STARD6: variants seen among roughly 807,000 people sequenced by gnomAD.
STARD6 encodes stAR-related lipid transfer protein 6.
In STARD6, 21 loss-of-function variants were observed where a neutral mutation model predicts 22.3. The ratio of observed to expected loss-of-function variants is 0.94; its 90% CI spans 0.67 to 1.35. The LOEUF (loss-of-function observed/expected upper bound fraction) is 1.35. STARD6 is among the 40% of genes most tolerant of loss of function. STARD6 has a pLI of 0.00. For missense variants in STARD6, 269 were observed against 266.9 expected (o/e 1.01, Z -0.05); for synonymous variants, 80 against 88.1 (o/e 0.91, Z 0.52).
intron 2 of STARD6, among the ~76,000 whole-genome samples, chr18:54,355,542 T>C (rs1016977241): frequency 2.0e-5 from 3 of 152,120 alleles, no homozygotes; most frequent in African/African-American, 7.2e-5. Context: ...TTCTTCCATG[T>C]GAGGACACTG....
intron 4 of STARD6, among the ~76,000 whole-genome samples, chr18:54,347,018 T>A (rs1421942367): frequency 1.3e-5 from 2 of 152,096 alleles, no homozygotes; most frequent in Non-Finnish European, 2.9e-5. Context: ...TAACAATCAC[T>A]GAGTTGTACA....
intron 5 of STARD6, among the ~76,000 whole-genome samples, chr18:54,332,481 C>T (rs989450316): frequency 3.9e-5 from 6 of 152,308 alleles, no homozygotes; most frequent in Non-Finnish European, 5.9e-5. Context: ...ATCATTCAAA[C>T]AAGTCAATCA....
intron 7 of STARD6, among the ~76,000 whole-genome samples, chr18:54,326,231 T>C (rs767090530): frequency 6.6e-6 from 1 of 152,124 alleles, no homozygotes; most frequent in Non-Finnish European, 1.5e-5. Context: ...GAAAATCTGA[T>C]TAGTGGCTAG....
chr18:54,356,309 G>A (rs2089142905), intron 2 of STARD6, 52 bp downstream of exon 2: 1 of 152,190 alleles, frequency 6.6e-6, no homozygotes, highest in Non-Finnish European at 1.5e-5. Flanking sequence ...AAAAGTTTTA[G>A]TAAACCATTA....
At chr18:54,325,272 C>T (rs984160031) in intron 7 of STARD6, among the ~76,000 whole-genome samples, 1 of 151,910 alleles carries the variant, frequency 6.6e-6, no homozygotes, top group Non-Finnish European at 1.5e-5. Flanking sequence ...AAACAGCATA[C>T]ATTTGTACAT....
chr18:54,332,903 T>A (rs747788513), intron 5 of STARD6, among the ~76,000 whole-genome samples: 22 of 151,974 alleles, frequency 1.4e-4, no homozygotes, highest in Middle Eastern at 3.4e-3. Context: ...AGACCCTATC[T>A]CTAAAAAGAA....
intron 6 of STARD6, among the ~76,000 whole-genome samples, chr18:54,329,980 AC>A (rs1234624654): frequency 1.3e-5 from 2 of 152,036 alleles, no homozygotes; most frequent in East Asian, 3.9e-4. Flanking sequence ...TCAAACTCTA[AC>A]TAAAAATCAA....
chr18:54,357,584 G>A (rs2089166038), intron 1 of STARD6, among the ~76,000 whole-genome samples: 1 of 152,174 alleles, frequency 6.6e-6, no homozygotes, highest in African/African-American at 2.4e-5. Context: ...TCAGCGACCG[G>A]AACGACAGCC....
chr18:54,333,392 T>C (rs2088881651), intron 5 of STARD6, among the ~76,000 whole-genome samples: 1 of 152,180 alleles, frequency 6.6e-6, no homozygotes, highest in Non-Finnish European at 1.5e-5. Context: ...GAGCTTGCAG[T>C]GAGCCGAGAT....
chr18:54,339,060 A>C (rs867361964), intron 4 of STARD6, among the ~76,000 whole-genome samples: 44 of 146,006 alleles, frequency 3.0e-4, no homozygotes, highest in African/African-American at 8.0e-4. Flanking sequence ...AAAAAAAAAA[A>C]AAAAAAAAAA....
At chr18:54,331,165 CTTAAG>C (rs2088861776) in intron 6 of STARD6, among the ~76,000 whole-genome samples, 1 of 152,170 alleles carries the variant, frequency 6.6e-6, no homozygotes, top group South Asian at 2.1e-4. Context: ...CATGAGTTAT[CTTAAG>C]TTATCTGAGT....
At position 54,333,685 on chromosome 18, in the gene STARD6, T is replaced by G. The variant is rs375660402; in HGVS notation, c.268-1826A>C. The stretch of plus-strand genomic sequence containing the variant: ...GGACTTTCTACAAGATGAAACAGAT[T>G]TACCTTCATGGGCTTTTCTATAACT... On this transcript the variant is annotated intron_variant, in intron 5 of 7. Coordinates refer to ENST00000307844, the MANE Select transcript of STARD6 (RefSeq NM_139171.2). 1.1e-3 allele frequency among the ~76,000 whole-genome samples: 168 copies of G among 152,276 alleles called. 5 individuals carry two copies. The South Asian group carries it at 0.031, about 28-fold the overall frequency.
chr18:54,330,376 A>C (rs1274101836), intron 6 of STARD6, among the ~76,000 whole-genome samples: 2 of 152,088 alleles, frequency 1.3e-5, no homozygotes, highest in Non-Finnish European at 2.9e-5. Flanking sequence ...CTTTAAAAAA[A>C]TCTGTTGTAG....
chr18:54,354,727 C>G, intron 2 of STARD6, 150 bp from the exon 3 acceptor site: 1 of 579,372 alleles, frequency 1.7e-6, no homozygotes, highest in South Asian at 2.7e-5. Context: ...ATGAACCCCT[C>G]TCTCCTTACA....
rs549739458 is a variant in STARD6 at position 54,335,403 on chromosome 18, A to T, written c.267+1722T>A. On this transcript the variant is annotated intron_variant, in intron 5 of 7. Transcript: ENST00000307844. ...TAGAATCGCGGTCACCATATTAGCT[A>T]GGCTGGTCTCAAACTCCTGACCTCA... Among the ~76,000 whole-genome samples the T allele has an allele frequency of 2.4e-4, 37 of 152,062 alleles. No individual in the cohort carries two copies. The South Asian group carries it at 4.4e-3, about 18-fold the overall frequency.
At chr18:54,329,922 G>A (rs1657887) in intron 6 of STARD6, among the ~76,000 whole-genome samples, 10,304 of 151,510 alleles carry the variant, frequency 0.068, 406 homozygotes, top group African/African-American at 0.091. Context: ...TGGTCTGTCA[G>A]TAAAGGTACT....
At position 54,331,763 on chromosome 18, in the gene STARD6, C is replaced by T. The variant is rs1210801401; in HGVS notation, c.364G>A (p.Gly122Arg). The T allele has an allele frequency of 1.2e-6, 2 of 1,609,694 alleles. No individual in the cohort carries two copies. Among genetic ancestry groups the T allele is most frequent in the East Asian group, 2.2e-5 (1 of 44,820 alleles). The change falls in exon 6 of 8, where the codon GGA becomes AGA. Residue 122 changes from glycine to arginine, a missense_variant. By Grantham distance (125) the Gly-to-Arg change is moderately radical (BLOSUM62 -2). Transcript: ENST00000307844. ...IDLVYIKRYEGNMNIISSKSV... is the reference protein window; with the variant it reads ...IDLVYIKRYERNMNIISSKSV... ...TTACAACTGATAATGTTCATATTTC[C>T]TTCGTAGCGCTTGATGTACACTAAG...
chr18:54,331,694 T>C, intron 6 of STARD6, 48 bp downstream of exon 6: 1 of 1,241,018 alleles, frequency 8.1e-7, no homozygotes, highest in Non-Finnish European at 1.2e-6. Flanking sequence ...AAACATTTAT[T>C]AATGGCTCGC....
intron 3 of STARD6, 123 bp from the exon 4 acceptor site, chr18:54,354,226 A>G: frequency 3.1e-6 from 2 of 653,186 alleles, no homozygotes; most frequent in Non-Finnish European, 5.2e-6. Flanking sequence ...ATATATATAT[A>G]TATTTTTCAG....
Sources: allele counts gnomAD v4.1 joint callset (sites outside exome capture counted in the v4.1 genomes callset), GRCh38; gene constraint gnomAD v4.1.1; transcripts MANE v1.5; gene names NCBI Gene and HGNC (gene_info 2026-07-23, HGNC 2026-07-21).